TBC1D9B: variants seen among roughly 807,000 people sequenced by gnomAD.
TBC1D9B encodes the protein TBC1 domain family, member 9B (with GRAM domain).
In TBC1D9B, 87 loss-of-function variants were observed where a neutral mutation model predicts 121.1. The observed-to-expected ratio is 0.72, with a 90% CI of 0.60 to 0.86. TBC1D9B has a LOEUF of 0.86. Ranked by LOEUF, TBC1D9B falls within the 40% of genes least tolerant of loss-of-function variation. The pLI, the probability that TBC1D9B is intolerant of heterozygous loss-of-function variation, is 0.00. For missense variants in TBC1D9B, 1,540 were observed against 1,628.6 expected (o/e 0.95, Z 0.94); for synonymous variants, 668 against 670.1 (o/e 1.00, Z 0.05).
chr5:179,877,532 C>T (rs1330329534), intron 10 of TBC1D9B, among the ~76,000 whole-genome samples: 1 of 151,698 alleles, frequency 6.6e-6, no homozygotes, highest in African/African-American at 2.4e-5. Context: ...GGCATGGTGG[C>T]ACATGCCTGT....
Position 179,874,815 on chromosome 5 carries a change from G to A in TBC1D9B, c.2186+87C>T. ...TGCAGCCTGGCACTTGGTGGGCACA[G>A]TCACTTCAGGCTGACTGGACAGTGC... On this transcript the variant is annotated intron_variant, in intron 12 of 20. Coordinates refer to ENST00000355235, the MANE Select transcript of TBC1D9B (RefSeq NM_015043.4). This position sits in a 1 kb window ranked among gnomAD's most constrained non-coding sequence, Gnocchi z 4.3. 1 of 1,536,646 alleles carries A rather than the reference G, an allele frequency of 6.5e-7. No homozygotes were observed. The highest frequency in any genetic ancestry group is 8.7e-7 in the Non-Finnish European group (1 of 1,143,882).
chr5:179,894,356 G>A, intron 4 of TBC1D9B, 30 bp downstream of exon 4: 1 of 1,581,548 alleles, frequency 6.3e-7, no homozygotes. Flanking sequence ...GAGGGTGTGG[G>A]GGCTGGGGCA....
Position 179,863,523 on chromosome 5 carries a change from CTT to C in TBC1D9B, c.3625_3626del (p.Lys1209AspfsTer16), listed in dbSNP as rs768425342. 2 of 1,614,202 alleles carry C rather than the reference CTT, an allele frequency of 1.2e-6. No homozygotes were observed. Among genetic ancestry groups the C allele is most frequent in the Non-Finnish European group, 1.7e-6 (2 of 1,180,040 alleles). On this transcript the variant is annotated frameshift_variant, in exon 21 of 21. Coordinates refer to ENST00000355235, the MANE Select transcript of TBC1D9B (RefSeq NM_015043.4). LOFTEE classifies it high-confidence loss of function. The surrounding 1 kb of genome is among the most constrained non-coding windows in gnomAD (Gnocchi z 4.5). ...TCTCCACTTTCTTTTGGTCCTTGAT[CTT>C]GAGTCCAATGTCCACTCTCTTCTCA... Reference protein sequence around the residue: ...FFEKRVDIGLKIKDQKKVERQ... With the variant: ...FFEKRVDIGLXIKDQKKVERQ...
Position 179,874,554 on chromosome 5 carries a change from T to G in TBC1D9B, c.2186+348A>C, listed in dbSNP as rs1358188916. On this transcript the variant is annotated intron_variant, in intron 12 of 20. Coordinates refer to ENST00000355235, the MANE Select transcript of TBC1D9B (RefSeq NM_015043.4). The surrounding 1 kb of genome is among the most constrained non-coding windows in gnomAD (Gnocchi z 4.3). ...TTGGAGAGGTATGACCGGGACCACCTGGTGGACATGAAATGCCCAGCTGTG... is the reference window on the plus strand; with the variant it reads ...TTGGAGAGGTATGACCGGGACCACCGGGTGGACATGAAATGCCCAGCTGTG... 6.6e-6 allele frequency among the ~76,000 whole-genome samples: 1 copy of G among 152,156 alleles called. No individual in the cohort carries two copies. The highest frequency in any genetic ancestry group is 1.5e-5 in the Non-Finnish European group (1 of 68,020).
chr5:179,873,688 C>T (rs1760270462), intron 12 of TBC1D9B, among the ~76,000 whole-genome samples: 1 of 152,138 alleles, frequency 6.6e-6, no homozygotes, highest in East Asian at 1.9e-4. Context: ...CTGCTGCAGC[C>T]CAGGGAATCA....
chr5:179,891,240 T>C lies in TBC1D9B; in HGVS notation c.1044+139A>G. On this transcript the variant is annotated intron_variant, in intron 6 of 20. Coordinates refer to ENST00000355235, the MANE Select transcript of TBC1D9B (RefSeq NM_015043.4). This position sits in a 1 kb window ranked among gnomAD's most constrained non-coding sequence, Gnocchi z 4.3. Reference sequence around the variant, plus strand: ...ACCCTCCACCTGTCCCATCACTGAGTGACATGTGACTGCCTGGGCTAGGGC... The same window carrying C: ...ACCCTCCACCTGTCCCATCACTGAGCGACATGTGACTGCCTGGGCTAGGGC... The C allele has an allele frequency of 1.1e-6, 1 of 918,042 alleles. No homozygotes were observed. Among genetic ancestry groups the C allele is most frequent in the Non-Finnish European group, 1.7e-6 (1 of 593,504 alleles). 56.9% of individuals were successfully genotyped at this position (918,042 alleles called of 1,614,324 possible).
In TBC1D9B at chr5:179,870,486, G is replaced by A. The variant is rs774815775; in HGVS notation, c.2494C>T (p.Leu832=). Residue 832 remains leucine (L), a synonymous_variant, in exon 16 of 21, where the codon CTG becomes TTG. Transcript: ENST00000355235. ...CTGCACCCCCAGTACTGGCTAGCCA[G>A]GTGCTTGGCCTGTGGGACACGGTCT... ...DLYMVFKAKH[L]ASQYWGCSRT... 6 of 1,608,894 alleles carry A rather than the reference G, an allele frequency of 3.7e-6. No individual in the cohort carries two copies. Among genetic ancestry groups the A allele is most frequent in the Non-Finnish European group, 5.1e-6 (6 of 1,179,520 alleles).
chr5:179,868,045 CT>C (rs982009045), intron 17 of TBC1D9B, 196 bp from the exon 18 acceptor site: 32,680 of 345,398 alleles, frequency 0.095, no homozygotes, highest in East Asian at 0.13. Context: ...CTTTCCTCAG[CT>C]TTTTTTTTTT....
At chr5:179,899,393 T>C in intron 2 of TBC1D9B, 86 bp from the exon 3 acceptor site, 1 of 1,110,102 alleles carries the variant, frequency 9.0e-7, no homozygotes, top group Non-Finnish European at 1.3e-6. Context: ...TGAAAGTGGG[T>C]GACCTCATTT....
At chr5:179,873,384 CAGG>C in intron 12 of TBC1D9B, 136 bp from the exon 13 acceptor site, 1 of 1,331,776 alleles carries the variant, frequency 7.5e-7, no homozygotes, top group East Asian at 2.6e-5. Flanking sequence ...GGGCACCCTG[CAGG>C]AGGGCAGAGG....
intron 7 of TBC1D9B, 38 bp from the exon 8 acceptor site, chr5:179,879,827 T>C: frequency 6.4e-7 from 1 of 1,562,712 alleles, no homozygotes; most frequent in Non-Finnish European, 8.6e-7. Flanking sequence ...CCCTAACAAC[T>C]GTGCTGCCAG....
chr5:179,863,325 A>T lies in TBC1D9B; in HGVS notation c.*123T>A, dbSNP rs995390176. On this transcript the variant is annotated 3_prime_UTR_variant, in exon 21 of 21. Transcript: ENST00000355235. This position sits in a 1 kb window ranked among gnomAD's most constrained non-coding sequence, Gnocchi z 4.5. ...CCAGCCTTCTTTCCACTCACAACTC[A>T]CTGCTCCTGGGAGAGCAGGAGGGGC... 1 of 1,151,560 alleles carries T rather than the reference A, an allele frequency of 8.7e-7. No individual in the cohort carries two copies. The highest frequency in any genetic ancestry group is 1.2e-6 in the Non-Finnish European group (1 of 823,030). The allele number at this position is 1,151,560 out of a possible 1,614,324, so 71.3% of individuals were successfully genotyped here.
intron 2 of TBC1D9B, among the ~76,000 whole-genome samples, chr5:179,900,815 G>A (rs1043864973): frequency 1.3e-5 from 2 of 152,190 alleles, no homozygotes. Flanking sequence ...TTAGGAACAA[G>A]AGCACTACGG....
chr5:179,878,434 TCTC>T lies in TBC1D9B; in HGVS notation c.1654_1656del (p.Glu552del). 1 of 1,613,190 alleles carries T rather than the reference TCTC, an allele frequency of 6.2e-7. No homozygotes were observed. The highest frequency in any genetic ancestry group is 8.5e-7 in the Non-Finnish European group (1 of 1,179,690). On this transcript the variant is annotated inframe_deletion, in exon 10 of 21. Coordinates refer to ENST00000355235, the MANE Select transcript of TBC1D9B (RefSeq NM_015043.4). ...ATGGAGCGGTGCAGGTCTCGCTCGA[TCTC>T]CTCTGTGGCCAGGCTGTACTTCCCG...
At chr5:179,882,953 G>C (rs1377148486) in intron 7 of TBC1D9B, among the ~76,000 whole-genome samples, 1 of 152,140 alleles carries the variant, frequency 6.6e-6, no homozygotes, top group Admixed American at 6.5e-5. Flanking sequence ...CCACCTCCTG[G>C]GTTCAAGTGA....
intron 7 of TBC1D9B, 97 bp downstream of exon 7, chr5:179,888,006 C>G: frequency 7.3e-6 from 11 of 1,499,272 alleles, no homozygotes; most frequent in Non-Finnish European, 1.0e-5. Flanking sequence ...AGGCCCACAG[C>G]CGGAACCATG....
chr5:179,888,332 CT>C lies in TBC1D9B; in HGVS notation c.1045-21del. ...GGTCACCTGAGAAGGTGAAAGAACT[CT>C]TTTGGGTGTCTGCATCTCAGGCCCT... On this transcript the variant is annotated intron_variant, in intron 6 of 20. Transcript: ENST00000355235. 6.2e-7 allele frequency: 1 copy of C among 1,611,148 alleles called. No homozygotes were observed. The highest frequency in any genetic ancestry group is 8.5e-7 in the Non-Finnish European group (1 of 1,179,156).
chr5:179,872,683 C>T, intron 14 of TBC1D9B: 1 of 577,912 alleles, frequency 1.7e-6, no homozygotes, highest in Non-Finnish European at 3.0e-6. Context: ...CCCGGTGACA[C>T]ATCCACCAGC....
At position 179,870,103 on chromosome 5, in the gene TBC1D9B, T is replaced by A. The variant is rs987904654; in HGVS notation, c.2725+152A>T. 8.9e-6 allele frequency: 12 copies of A among 1,344,414 alleles called. No homozygotes were observed. In the African/African-American group the frequency reaches 1.3e-4, roughly 15 times the overall value. The allele number at this position is 1,344,414 out of a possible 1,614,324, so 83.3% of individuals were successfully genotyped here. Reference sequence around the variant, plus strand: ...CTGCTGGACCCCATCTCGGCTCCCGTGGGTAAACTGTTCTTCCCGTATCTA... The same window carrying A: ...CTGCTGGACCCCATCTCGGCTCCCGAGGGTAAACTGTTCTTCCCGTATCTA... On this transcript the variant is annotated intron_variant, in intron 16 of 20. Transcript: ENST00000355235.
Sources: allele counts gnomAD v4.1 joint callset (sites outside exome capture counted in the v4.1 genomes callset), GRCh38; gene constraint gnomAD v4.1.1; non-coding constraint Gnocchi (gnomAD v3.1); transcripts MANE v1.5; gene names NCBI Gene and HGNC (gene_info 2026-07-23, HGNC 2026-07-21).